Variants in FGF12 observed in about 807,000 individuals in gnomAD.
The protein encoded by FGF12 is fibroblast growth factor 12, also known as fibroblast growth factor 12B.
A neutral mutation model predicts 23.6 loss-of-function variants in FGF12; 14 were observed. That is an observed-to-expected ratio of 0.59 (90% CI 0.39 to 0.93). The LOEUF is 0.93. FGF12 is among the 40% of genes least tolerant of loss of function. FGF12 has a pLI of 0.00. For synonymous variants in FGF12, 62 were observed against 77.3 expected (o/e 0.80, Z 1.04); for missense variants, 175 against 217.8 (o/e 0.80, Z 1.24).
chr3:192,544,116 T>C (rs182502192), intron 2 of FGF12, among the ~76,000 whole-genome samples: 13 of 152,328 alleles, frequency 8.5e-5, no homozygotes, highest in Admixed American at 3.9e-4. Flanking sequence ...TAGCTTTGGC[T>C]GAGTTCTGCC....
chr3:192,254,767 C>A (rs1263438864), intron 4 of FGF12, among the ~76,000 whole-genome samples: 1 of 151,984 alleles, frequency 6.6e-6, no homozygotes. Context: ...TGTCACTTTG[C>A]ACTATAAAAA....
intron 4 of FGF12, among the ~76,000 whole-genome samples, chr3:192,197,255 T>C (rs1178288228): frequency 1.3e-5 from 2 of 152,218 alleles, no homozygotes; most frequent in African/African-American, 4.8e-5. Flanking sequence ...CATGAAACTC[T>C]ATAGACAGTT....
At chr3:192,534,380 C>A (rs1438479157) in intron 2 of FGF12, among the ~76,000 whole-genome samples, 1 of 151,828 alleles carries the variant, frequency 6.6e-6, no homozygotes. Flanking sequence ...GAAACAAAAC[C>A]AGATGTAAGC....
At chr3:192,542,676 G>A (rs1042952262) in intron 2 of FGF12, among the ~76,000 whole-genome samples, 14 of 151,830 alleles carry the variant, frequency 9.2e-5, no homozygotes, top group African/African-American at 3.4e-4. Flanking sequence ...AGGCACTTGG[G>A]TGTTGTGCTC....
At chr3:192,225,938 CA>C (rs1718709926) in intron 4 of FGF12, among the ~76,000 whole-genome samples, 2 of 152,094 alleles carry the variant, frequency 1.3e-5, no homozygotes, top group Non-Finnish European at 2.9e-5. Context: ...TGATGGCTGC[CA>C]GGGGCTGGGG....
At chr3:192,523,130 A>G (rs1724862404) in intron 2 of FGF12, among the ~76,000 whole-genome samples, 1 of 152,250 alleles carries the variant, frequency 6.6e-6, no homozygotes, top group Non-Finnish European at 1.5e-5. Flanking sequence ...TTAAAATACA[A>G]AAATCCAGAA....
intron 2 of FGF12, among the ~76,000 whole-genome samples, chr3:192,378,028 T>TCTCTC (rs10685325): frequency 0.5 from 40,481 of 81,212 alleles, 9,491 homozygotes; most frequent in African/African-American, 0.62. Context: ...ACTCTTTCTT[T>TCTCTC]TCTTTCTTTC....
chr3:192,276,456 A>T (rs1713794374), intron 4 of FGF12, among the ~76,000 whole-genome samples: 1 of 152,178 alleles, frequency 6.6e-6, no homozygotes, highest in Admixed American at 6.5e-5. Flanking sequence ...AGCTTATTTT[A>T]AAATTTATGA....
intron 2 of FGF12, among the ~76,000 whole-genome samples, chr3:192,650,613 C>G (rs572818387): frequency 6.6e-6 from 1 of 152,274 alleles, no homozygotes; most frequent in South Asian, 2.1e-4. Flanking sequence ...CTATAAGTTT[C>G]TTCCAAACAA....
At chr3:192,723,862 T>TGAGAGA (rs1285375793) in intron 2 of FGF12, among the ~76,000 whole-genome samples, 3 of 111,816 alleles carry the variant, frequency 2.7e-5, no homozygotes, top group Admixed American at 9.2e-5. Context: ...TGTGTGTGTG[T>TGAGAGA]GAGAGAGAGA....
chr3:192,618,388 G>A (rs888812569), intron 2 of FGF12, among the ~76,000 whole-genome samples: 1 of 152,018 alleles, frequency 6.6e-6, no homozygotes, highest in African/African-American at 2.4e-5. Context: ...TCAAGTTCTG[G>A]CAGATTAGTG....
At chr3:192,708,489 T>G (rs1718562519) in intron 2 of FGF12, among the ~76,000 whole-genome samples, 1 of 152,226 alleles carries the variant, frequency 6.6e-6, no homozygotes, top group South Asian at 2.1e-4. Context: ...TACCTTCTAT[T>G]GTATACTTAA....
At chr3:192,649,645 C>T (rs1258193687) in intron 2 of FGF12, among the ~76,000 whole-genome samples, 5 of 152,090 alleles carry the variant, frequency 3.3e-5, no homozygotes, top group African/African-American at 9.6e-5. Context: ...CTCTGCCTCC[C>T]GGTTCCAGCG....
At chr3:192,559,105 C>T (rs992892662) in intron 2 of FGF12, among the ~76,000 whole-genome samples, 3 of 151,770 alleles carry the variant, frequency 2.0e-5, no homozygotes, top group Non-Finnish European at 4.4e-5. Context: ...AATGGGACTA[C>T]ATCAAACTAA....
At position 192,272,053 on chromosome 3, in the gene FGF12, C is replaced by T. The variant is rs139849839; in HGVS notation, c.228+63308G>A. 7.9e-3 allele frequency among the ~76,000 whole-genome samples: 1,202 copies of T among 152,164 alleles called. 6 individuals are homozygous for T. Among genetic ancestry groups the T allele is most frequent in the Non-Finnish European group, 0.014 (940 of 68,010 alleles). On this transcript the variant is annotated intron_variant, in intron 4 of 5. Coordinates refer to ENST00000445105, the MANE Select transcript of FGF12 (RefSeq NM_004113.6). ...GAGAGGGAAAAATATTGACTTTCCT[C>T]CAAGTGATATTAGGAATGACTAATA...
At chr3:192,475,363 A>G (rs1327139545) in intron 2 of FGF12, among the ~76,000 whole-genome samples, 1 of 152,174 alleles carries the variant, frequency 6.6e-6, no homozygotes, top group East Asian at 1.9e-4. Context: ...CCCTTAATCT[A>G]TAAACGGAAT....
At chr3:192,442,609 A>G (rs1448235406) in intron 2 of FGF12, among the ~76,000 whole-genome samples, 38 of 152,214 alleles carry the variant, frequency 2.5e-4, no homozygotes. Context: ...AGAAGATGAT[A>G]AAGAAATGTG....
chr3:192,328,386 G>A (rs1716927208), intron 4 of FGF12, among the ~76,000 whole-genome samples: 1 of 152,186 alleles, frequency 6.6e-6, no homozygotes, highest in Admixed American at 6.5e-5. Flanking sequence ...AGACGCCAAT[G>A]ACATCTCTTG....
intron 2 of FGF12, among the ~76,000 whole-genome samples, chr3:192,504,545 G>C (rs557069831): frequency 6.6e-6 from 1 of 152,192 alleles, no homozygotes; most frequent in East Asian, 1.9e-4. Context: ...AAACTTTTGT[G>C]TGTTTGGTGA....
Sources: gnomAD v4.1 joint callset for allele counts (sites outside exome capture counted in the v4.1 genomes callset) on GRCh38, gnomAD v4.1.1 for gene constraint, MANE v1.5 for transcripts, NCBI Gene and HGNC (gene_info 2026-07-23, HGNC 2026-07-21) for gene names.